The following KLHL32 variants were observed in gnomAD, a reference collection of about 807,000 sequenced individuals.
KLHL32 encodes kelch-like protein 32.
KLHL32 carries 35 observed loss-of-function variants against 64.8 expected under a neutral mutation model. That is an observed-to-expected ratio of 0.54 (90% CI 0.41 to 0.72). The LOEUF (loss-of-function observed/expected upper bound fraction) is 0.72, where lower values mean the gene tolerates loss of function less well. KLHL32 is among the 30% of genes least tolerant of loss of function. The pLI is 0.00. For synonymous variants in KLHL32, 259 were observed against 281.0 expected (o/e 0.92, Z 0.78); for missense variants, 589 against 768.5 (o/e 0.77, Z 2.76).
rs76057354 is a variant in KLHL32 at position 97,074,293 on chromosome 6, A to G, written c.411+9567A>G. On this transcript the variant is annotated intron_variant, in intron 5 of 10. Transcript: ENST00000369261. ...CCTGTATTCTAACAAGTTTTGAGGG[A>G]TGCTGATGTCTGAACTAGGGAGCAC... Among the ~76,000 whole-genome samples the G allele has an allele frequency of 3.1e-3, 477 of 152,312 alleles. 3 individuals are homozygous for G. The highest frequency in any genetic ancestry group is 5.2e-3 in the Non-Finnish European group (357 of 68,026).
chr6:97,071,003 T>C (rs368069709), intron 5 of KLHL32, among the ~76,000 whole-genome samples: 4 of 152,284 alleles, frequency 2.6e-5, no homozygotes, highest in African/African-American at 9.6e-5. Context: ...CCTTATTCCA[T>C]CAGTTACGCC....
Position 97,127,420 on chromosome 6 carries a change from G to C in KLHL32, c.1371G>C (p.Thr457=). 2 of 1,613,102 alleles carry C rather than the reference G, an allele frequency of 1.2e-6. No homozygotes were observed. The highest frequency in any genetic ancestry group is 1.7e-6 in the Non-Finnish European group (2 of 1,179,304). Residue 457 remains threonine, a synonymous_variant, in exon 8 of 11, where the codon ACG becomes ACC. Coordinates refer to ENST00000369261, the MANE Select transcript of KLHL32 (RefSeq NM_052904.4). ...CCATTACAGGTGGAGTAACTAATAC[G>C]GCACAATATCAGAACAGGCTAATGG... ...LLWISGGVTN[T]AQYQNRLMVY...
the KLHL32 span, among the ~76,000 whole-genome samples, chr6:96,904,405 T>C: frequency 2.7e-5 from 4 of 149,992 alleles, no homozygotes; most frequent in Non-Finnish European, 5.9e-5. Flanking sequence ...ATTTCATGGA[T>C]GATGACCACA....
chr6:96,981,454 A>C (rs1182851692), intron 3 of KLHL32, among the ~76,000 whole-genome samples: 1 of 151,782 alleles, frequency 6.6e-6, no homozygotes, highest in Non-Finnish European at 1.5e-5. Flanking sequence ...TTCTTTTATT[A>C]GTCTAGTTTG....
chr6:97,024,994 G>T, intron 3 of KLHL32: 2 of 984,924 alleles, frequency 2.0e-6, no homozygotes, highest in Non-Finnish European at 2.4e-6. Context: ...TTGATCTCAG[G>T]TATACGGTCA....
intron 3 of KLHL32, among the ~76,000 whole-genome samples, chr6:96,992,814 G>A (rs1273927838): frequency 6.6e-6 from 1 of 152,172 alleles, no homozygotes; most frequent in Non-Finnish European, 1.5e-5. Context: ...ACTAAATTAC[G>A]ATATGTTTAA....
At chr6:97,102,733 A>G (rs1300315972) in intron 6 of KLHL32, among the ~76,000 whole-genome samples, 1 of 152,206 alleles carries the variant, frequency 6.6e-6, no homozygotes, top group Non-Finnish European at 1.5e-5. Context: ...CATTTTTCCT[A>G]TGGCATCATT....
intron 1 of KLHL32, among the ~76,000 whole-genome samples, chr6:96,937,396 T>C (rs1387913044): frequency 6.6e-6 from 1 of 152,134 alleles, no homozygotes; most frequent in Non-Finnish European, 1.5e-5. Context: ...ACCATATTTC[T>C]TGTGTGTGTG....
chr6:97,031,224 T>C (rs920128341), intron 3 of KLHL32, among the ~76,000 whole-genome samples: 1 of 152,194 alleles, frequency 6.6e-6, no homozygotes, highest in Non-Finnish European at 1.5e-5. Context: ...CTCTTCCTAA[T>C]TGAGATATCT....
chr6:97,014,155 G>C (rs1780794093), intron 3 of KLHL32, among the ~76,000 whole-genome samples: 1 of 152,084 alleles, frequency 6.6e-6, no homozygotes, highest in Admixed American at 6.5e-5. Context: ...TTAGCCGGGC[G>C]TTGTGGTGGG....
At chr6:96,947,456 C>A (rs2128005877) in intron 1 of KLHL32, among the ~76,000 whole-genome samples, 1 of 152,292 alleles carries the variant, frequency 6.6e-6, no homozygotes, top group East Asian at 1.9e-4. Flanking sequence ...TTTCTTTATA[C>A]TAAGACCAAA....
chr6:97,118,494 C>T (rs1250070433), intron 7 of KLHL32, among the ~76,000 whole-genome samples: 1 of 151,860 alleles, frequency 6.6e-6, no homozygotes, highest in Non-Finnish European at 1.5e-5. Context: ...TGGCGGGCGC[C>T]TGTAATCGCA....
upstream of KLHL32, among the ~76,000 whole-genome samples, chr6:96,923,739 A>G (rs1015485242): frequency 1.3e-5 from 2 of 152,266 alleles, no homozygotes; most frequent in African/African-American, 4.8e-5. Context: ...CTATCTTTGC[A>G]GTAAGTTAAA....
At chr6:97,078,434 T>G (rs768908261) in intron 5 of KLHL32, among the ~76,000 whole-genome samples, 2 of 152,170 alleles carry the variant, frequency 1.3e-5, no homozygotes, top group African/African-American at 4.8e-5. Flanking sequence ...AATGAAAGAT[T>G]ATAATTACAT....
intron 4 of KLHL32, among the ~76,000 whole-genome samples, chr6:97,052,845 A>T (rs183740080): frequency 1.3e-5 from 2 of 152,176 alleles, no homozygotes; most frequent in African/African-American, 4.8e-5. Flanking sequence ...TTTTTATGCA[A>T]TGTTCTATAA....
chr6:96,997,221 C>A (rs931286297), intron 3 of KLHL32, among the ~76,000 whole-genome samples: 1 of 152,108 alleles, frequency 6.6e-6, no homozygotes, highest in African/African-American at 2.4e-5. Context: ...CTCCTTGAGG[C>A]TGGAGCCAGT....
chr6:97,109,264 AGTAGGGAT>A (rs1796813006), intron 6 of KLHL32, among the ~76,000 whole-genome samples: 1 of 152,264 alleles, frequency 6.6e-6, no homozygotes, highest in South Asian at 2.1e-4. Context: ...AAACCCAACA[AGTAGGGAT>A]GACTTGTATA....
At chr6:97,055,753 G>A (rs925426493) in intron 4 of KLHL32, among the ~76,000 whole-genome samples, 5 of 135,364 alleles carry the variant, frequency 3.7e-5, no homozygotes, top group Admixed American at 1.6e-4. Context: ...GGCCGATATC[G>A]TGCCCCTGCA....
chr6:97,140,460 T>A lies in KLHL32; in HGVS notation c.*1178T>A, dbSNP rs1800567215. On this transcript the variant is annotated 3_prime_UTR_variant, in exon 11 of 11. Transcript: ENST00000369261. ...ATTTTATTACTATCTCTTTTAATAA[T>A]GCATAGGAATTCTTTTTTAGACTAG... The A allele has an allele frequency of 6.6e-6, 1 of 152,074 alleles. No homozygotes were observed. The highest frequency in any genetic ancestry group is 2.1e-4 in the South Asian group (1 of 4,832). 9.4% of individuals were successfully genotyped at this position (152,074 alleles called of 1,614,324 possible).
Sources: allele counts gnomAD v4.1 joint callset (sites outside exome capture counted in the v4.1 genomes callset), GRCh38; gene constraint gnomAD v4.1.1; transcripts MANE v1.5; gene names NCBI Gene and HGNC (gene_info 2026-07-23, HGNC 2026-07-21).